The following PCDH15 variants were observed in gnomAD, a reference collection of about 807,000 sequenced individuals.
The protein encoded by PCDH15 is protocadherin related 15.
PCDH15 carries 129 observed loss-of-function variants against 178.5 expected under a neutral mutation model. That is an observed-to-expected ratio of 0.72 (90% CI 0.63 to 0.84). PCDH15 has a LOEUF of 0.84. Ranked by LOEUF, PCDH15 falls within the 40% of genes least tolerant of loss-of-function variation. The pLI, the probability that PCDH15 is intolerant of heterozygous loss-of-function variation, is 0.00. For missense variants in PCDH15, 2,230 were observed against 2,099.9 expected (o/e 1.06, Z -1.21); for synonymous variants, 800 against 732.0 (o/e 1.09, Z -1.50).
chr10:55,141,417 G>T (rs1232353583), intron 2 of PCDH15, among the ~76,000 whole-genome samples: 1 of 152,076 alleles, frequency 6.6e-6, no homozygotes, highest in Non-Finnish European at 1.5e-5. Context: ...TCTTTCTCAA[G>T]AAGTGACATT....
At chr10:54,005,738 G>T (rs1402542917) in intron 20 of PCDH15, among the ~76,000 whole-genome samples, 2 of 151,946 alleles carry the variant, frequency 1.3e-5, no homozygotes, top group Non-Finnish European at 2.9e-5. Context: ...CCACTATGGA[G>T]AACAGTATGG....
chr10:54,943,398 T>C (rs1290043385), intron 2 of PCDH15, among the ~76,000 whole-genome samples: 2 of 151,992 alleles, frequency 1.3e-5, no homozygotes, highest in Non-Finnish European at 2.9e-5. Context: ...TAAGATAAAT[T>C]TGCTCTGCCT....
chr10:53,824,074 TGTCA>T (rs2076507509), intron 32 of PCDH15, among the ~76,000 whole-genome samples: 2 of 152,158 alleles, frequency 1.3e-5, no homozygotes, highest in African/African-American at 4.8e-5. Flanking sequence ...GAAAAGATGT[TGTCA>T]GTAATTTCTT....
chr10:54,000,767 G>A (rs2092094753), intron 20 of PCDH15, among the ~76,000 whole-genome samples: 1 of 152,060 alleles, frequency 6.6e-6, no homozygotes, highest in African/African-American at 2.4e-5. Flanking sequence ...AGGGTAGAAA[G>A]TTTATTAAAA....
intron 25 of PCDH15, among the ~76,000 whole-genome samples, chr10:53,906,291 GT>G (rs1414933381): frequency 5.3e-5 from 8 of 151,860 alleles, no homozygotes; most frequent in Admixed American, 5.3e-4. Context: ...ACTTTAGGCA[GT>G]TGTTATGTAT....
chr10:53,875,557 G>C (rs1473840476), intron 26 of PCDH15, among the ~76,000 whole-genome samples: 2 of 151,812 alleles, frequency 1.3e-5, no homozygotes, highest in South Asian at 2.1e-4. Context: ...ATCTGGGAGA[G>C]GTGACTCTGG....
At chr10:55,321,288 C>A (rs1315666459), upstream of PCDH15, among the ~76,000 whole-genome samples, 1 of 151,844 alleles carries the variant, frequency 6.6e-6, no homozygotes, top group East Asian at 1.9e-4. Flanking sequence ...ATGACACAGA[C>A]AAACATTTTT....
chr10:53,848,446 T>C (rs1459478364), intron 28 of PCDH15, among the ~76,000 whole-genome samples: 2 of 152,066 alleles, frequency 1.3e-5, no homozygotes, highest in African/African-American at 4.8e-5. Context: ...AAAAATAAAC[T>C]GAACTGAATG....
At chr10:53,940,499 T>G (rs558173042) in intron 24 of PCDH15, among the ~76,000 whole-genome samples, 1 of 152,222 alleles carries the variant, frequency 6.6e-6, no homozygotes, top group South Asian at 2.1e-4. Context: ...CATGGATGGT[T>G]CAGACACTGG....
At chr10:53,897,192 A>G (rs925371245) in intron 26 of PCDH15, among the ~76,000 whole-genome samples, 16 of 85,684 alleles carry the variant, frequency 1.9e-4, no homozygotes, top group African/African-American at 4.4e-4. Flanking sequence ...AAGGTAATGC[A>G]GATTCTATAT....
chr10:54,095,838 C>A (rs114193292), intron 15 of PCDH15, among the ~76,000 whole-genome samples: 1,906 of 152,160 alleles, frequency 0.013, 25 homozygotes, highest in African/African-American at 0.03. Context: ...AAATGGGTAA[C>A]CTTGGAATAC....
At chr10:54,374,071 A>C (rs1948066824) in intron 4 of PCDH15, among the ~76,000 whole-genome samples, 1 of 152,086 alleles carries the variant, frequency 6.6e-6, no homozygotes, top group Non-Finnish European at 1.5e-5. Context: ...TTTGCAATGA[A>C]AAGGTATCTG....
At chr10:54,523,822 C>T (rs1375731925) in intron 3 of PCDH15, among the ~76,000 whole-genome samples, 1 of 152,096 alleles carries the variant, frequency 6.6e-6, no homozygotes, top group East Asian at 1.9e-4. Context: ...CAACACAAAT[C>T]CGAAGTCTAA....
upstream of PCDH15, among the ~76,000 whole-genome samples, chr10:54,804,944 T>TATATATATATATATATATATATAG: frequency 7.4e-6 from 1 of 135,716 alleles, no homozygotes; most frequent in Non-Finnish European, 1.6e-5. Context: ...TATATATATA[T>TATATATATATATATATATATATAG]ATATACAGAG....
intron 2 of PCDH15, among the ~76,000 whole-genome samples, chr10:55,545,368 C>T (rs866156079): frequency 9.2e-5 from 14 of 151,848 alleles, no homozygotes; most frequent in Non-Finnish European, 1.9e-4. Context: ...CTCCGCCTCC[C>T]GGGTACAAGT....
At chr10:55,599,168 C>T (rs578085341) in intron 2 of PCDH15, 8 of 152,202 alleles carry the variant, frequency 5.3e-5, no homozygotes, top group Admixed American at 4.6e-4. Context: ...AGAGCTCTAG[C>T]CAAGTCCCCC....
Position 53,837,151 on chromosome 10 carries a change from A to C in PCDH15, c.3983+3169T>G, listed in dbSNP as rs534131614. ...ACGGAACAAAATTATGAGAAAAATC[A>C]AATTGTAATTGGAATCCCAGAAAAG... On this transcript the variant is annotated intron_variant, in intron 29 of 37. Coordinates refer to ENST00000644397, the MANE Select transcript of PCDH15 (RefSeq NM_001384140.1). Among the ~76,000 whole-genome samples the C allele has an allele frequency of 2.6e-5, 4 of 152,200 alleles. No individual in the cohort carries two copies. In the East Asian group the frequency reaches 7.7e-4, roughly 29 times the overall value.
chr10:54,833,347 A>G (rs886266559), intron 3 of PCDH15, among the ~76,000 whole-genome samples: 2 of 152,162 alleles, frequency 1.3e-5, no homozygotes, highest in African/African-American at 4.8e-5. Context: ...CATTTTTTAG[A>G]TGTGAATGAC....
intron 8 of PCDH15, 128 bp from the exon 9 acceptor site, chr10:54,237,059 G>T: frequency 2.5e-6 from 2 of 814,024 alleles, no homozygotes; most frequent in Non-Finnish European, 4.3e-6. Flanking sequence ...CAACATTTAT[G>T]ATCTAATACC....
Sources: gnomAD v4.1 joint callset for allele counts (sites outside exome capture counted in the v4.1 genomes callset) on GRCh38, gnomAD v4.1.1 for gene constraint, MANE v1.5 for transcripts, NCBI Gene and HGNC (gene_info 2026-07-23, HGNC 2026-07-21) for gene names.